Variants in MYO1D observed in about 807,000 individuals in gnomAD.
MYO1D encodes the protein unconventional myosin-Id.
MYO1D carries 83 observed loss-of-function variants against 122.0 expected under a neutral mutation model. The observed-to-expected ratio is 0.68, with a 90% confidence interval of 0.57 to 0.82. The LOEUF is 0.82. Among genes scored for constraint, MYO1D ranks in the 40% least tolerant of loss-of-function variants. The pLI is 0.00. For synonymous variants in MYO1D, 464 were observed against 446.9 expected (o/e 1.04, Z -0.48); for missense variants, 1,157 against 1,269.5 (o/e 0.91, Z 1.35).
chr17:32,689,745 G>A (rs2089069551), intron 16 of MYO1D, among the ~76,000 whole-genome samples: 1 of 151,138 alleles, frequency 6.6e-6, no homozygotes, highest in Non-Finnish European at 1.5e-5. Context: ...TTGAGATGGA[G>A]TCTCGCTCTG....
chr17:32,692,644 A>G (rs2150974926), intron 16 of MYO1D, among the ~76,000 whole-genome samples: 1 of 152,332 alleles, frequency 6.6e-6, no homozygotes, highest in Admixed American at 6.5e-5. Context: ...AACTTACAAA[A>G]AAAGGTATAC....
intron 16 of MYO1D, among the ~76,000 whole-genome samples, chr17:32,693,981 A>T (rs1181815390): frequency 6.6e-6 from 1 of 152,210 alleles, no homozygotes; most frequent in East Asian, 1.9e-4. Context: ...GTTAAATACT[A>T]AATGGACCAG....
intron 16 of MYO1D, among the ~76,000 whole-genome samples, chr17:32,693,984 T>A (rs1254489144): frequency 6.6e-6 from 1 of 152,218 alleles, no homozygotes; most frequent in East Asian, 1.9e-4. Flanking sequence ...AAATACTAAA[T>A]GGACCAGTTA....
intron 21 of MYO1D, among the ~76,000 whole-genome samples, chr17:32,562,115 C>T (rs112974168): frequency 7.5e-4 from 114 of 152,044 alleles, no homozygotes; most frequent in Middle Eastern, 3.4e-3. Flanking sequence ...CTCAGCCACC[C>T]GAGGAGCTGG....
intron 1 of MYO1D, among the ~76,000 whole-genome samples, chr17:32,808,009 T>C (rs2430986): frequency 0.35 from 53,971 of 152,038 alleles, 10,990 homozygotes; most frequent in East Asian, 0.53. Flanking sequence ...ATTGTTACTA[T>C]AAACAATGTT....
intron 4 of MYO1D, among the ~76,000 whole-genome samples, chr17:32,774,127 T>C (rs1431697151): frequency 2.0e-5 from 3 of 152,210 alleles, no homozygotes; most frequent in Admixed American, 1.3e-4. Flanking sequence ...TTTCGTTCCA[T>C]GACTAGCCTT....
At chr17:32,782,813 T>C (rs1016595122) in intron 1 of MYO1D, among the ~76,000 whole-genome samples, 2 of 152,072 alleles carry the variant, frequency 1.3e-5, no homozygotes, top group African/African-American at 4.8e-5. Flanking sequence ...TGCACACTTA[T>C]AATCCTAGCT....
intron 1 of MYO1D, 84 bp downstream of exon 1, chr17:32,876,694 A>ACCC: frequency 8.6e-7 from 1 of 1,168,738 alleles, no homozygotes; most frequent in Non-Finnish European, 1.2e-6. Context: ...CGCTCCCGAC[A>ACCC]CCCCGGATCC....
chr17:32,852,087 A>T (rs2090994231), intron 1 of MYO1D, among the ~76,000 whole-genome samples: 4 of 152,222 alleles, frequency 2.6e-5, no homozygotes. Context: ...TGCCAGTGGA[A>T]GTAGAAATTG....
intron 10 of MYO1D, among the ~76,000 whole-genome samples, chr17:32,759,413 T>C (rs551797189): frequency 6.6e-6 from 1 of 152,236 alleles, no homozygotes; most frequent in South Asian, 2.1e-4. Context: ...AAATATAGTA[T>C]TTCAAATATT....
intron 15 of MYO1D, among the ~76,000 whole-genome samples, chr17:32,719,505 C>T (rs1239359408): frequency 6.6e-6 from 1 of 151,962 alleles, no homozygotes; most frequent in African/African-American, 2.4e-5. Flanking sequence ...CGCCCGCCAC[C>T]ACGCCCGGCT....
chr17:32,862,045 GTC>G (rs2091081842), intron 1 of MYO1D, among the ~76,000 whole-genome samples: 2 of 151,946 alleles, frequency 1.3e-5, no homozygotes, highest in East Asian at 3.9e-4. Flanking sequence ...TAAAAGTTAT[GTC>G]TCTGTCTTCT....
At chr17:32,582,084 T>G (rs373275751) in intron 21 of MYO1D, among the ~76,000 whole-genome samples, 28 of 152,044 alleles carry the variant, frequency 1.8e-4, no homozygotes, top group African/African-American at 5.3e-4. Flanking sequence ...CTGATTTTTT[T>G]GTAATTTTTT....
chr17:32,606,980 TG>T (rs2087635839), intron 20 of MYO1D, among the ~76,000 whole-genome samples: 1 of 152,052 alleles, frequency 6.6e-6, no homozygotes, highest in South Asian at 2.1e-4. Context: ...ACCAATATGG[TG>T]AAACCCTGTA....
At chr17:32,655,804 T>C (rs1402521288) in intron 17 of MYO1D, among the ~76,000 whole-genome samples, 1 of 152,178 alleles carries the variant, frequency 6.6e-6, no homozygotes, top group East Asian at 1.9e-4. Flanking sequence ...TTGTGGTTGC[T>C]ATAGGCTGGG....
intron 1 of MYO1D, among the ~76,000 whole-genome samples, chr17:32,844,449 T>C (rs5013506): frequency 0.39 from 56,660 of 146,432 alleles, 11,560 homozygotes; most frequent in East Asian, 0.53. Flanking sequence ...ATATATAATA[T>C]GTGGCTCATA....
chr17:32,705,959 T>C (rs1367240409), intron 16 of MYO1D, among the ~76,000 whole-genome samples: 3 of 152,196 alleles, frequency 2.0e-5, no homozygotes, highest in Non-Finnish European at 2.9e-5. Context: ...TCTGCCATGA[T>C]TGTGAGGCCT....
In MYO1D at chr17:32,630,930, C is replaced by T. The variant is rs531033280; in HGVS notation, c.2709+7792G>A. Among the ~76,000 whole-genome samples the T allele has an allele frequency of 2.0e-5, 3 of 152,292 alleles. No individual in the cohort carries two copies. In the South Asian group the frequency reaches 6.2e-4, roughly 32 times the overall value. On this transcript the variant is annotated intron_variant, in intron 20 of 21. Transcript: ENST00000318217. ...TGCCTTGTAGATGGCTGTCTTCTCT[C>T]TGTCTTCACATGGCCTTCCCTCTGT...
At chr17:32,572,518 A>G (rs1184459533) in intron 21 of MYO1D, among the ~76,000 whole-genome samples, 1 of 152,188 alleles carries the variant, frequency 6.6e-6, no homozygotes, top group African/African-American at 2.4e-5. Flanking sequence ...TTTTAGGACC[A>G]GCCACCCTCT....
Sources: allele counts gnomAD v4.1 joint callset (sites outside exome capture counted in the v4.1 genomes callset), GRCh38; gene constraint gnomAD v4.1.1; transcripts MANE v1.5; gene names NCBI Gene and HGNC (gene_info 2026-07-23, HGNC 2026-07-21).